THAP4: variants seen among roughly 807,000 people sequenced by gnomAD.
THAP4 encodes the protein THAP domain containing 4.
Under a neutral mutation model 48.1 loss-of-function variants are expected in THAP4, and 18 were observed. That is an observed-to-expected ratio of 0.37 (90% confidence interval 0.26 to 0.56). THAP4 has a LOEUF of 0.56. Among genes scored for constraint, THAP4 ranks in the 20% least tolerant of loss-of-function variants. The pLI is 0.78. For missense variants in THAP4, 656 were observed against 774.9 expected, an observed-to-expected ratio of 0.85 and a Z score of 1.82; for synonymous variants, 345 against 324.9, an observed-to-expected ratio of 1.06 and a Z score of -0.66.
At chr2:241,589,981 G>A (rs565384414) in intron 5 of THAP4, among the ~76,000 whole-genome samples, 268 of 152,010 alleles carry the variant, frequency 1.8e-3, no homozygotes, top group African/African-American at 6.4e-3. Context: ...ACTCAGAGCT[G>A]CTCGGCTGAC....
At chr2:241,592,204 G>A (rs2066990615) in intron 5 of THAP4, 1 of 152,322 alleles carries the variant, frequency 6.6e-6, no homozygotes, top group African/African-American at 2.4e-5. Flanking sequence ...GGGCCTCTCT[G>A]AGCCTCACTG....
At chr2:241,624,555 G>A (rs1490546369) in intron 2 of THAP4, among the ~76,000 whole-genome samples, 1 of 152,074 alleles carries the variant, frequency 6.6e-6, no homozygotes, top group Non-Finnish European at 1.5e-5. Context: ...AGGGTCTCGG[G>A]CAAGGGGCGT....
rs1249537562 is a variant in THAP4, at chr2:241,585,315, G to A, written c.1615-590C>T. On this transcript the variant is annotated intron_variant, in intron 5 of 5. Coordinates refer to ENST00000407315, the MANE Select transcript of THAP4 (RefSeq NM_015963.6). ...GCCCTATATGCCCAGAATGTTTGCC[G>A]GCAAATTGTGAGAGTGACCACTGTC... 2.6e-5 allele frequency among the ~76,000 whole-genome samples: 4 copies of A among 151,884 alleles called. No homozygotes were observed. The East Asian group carries it at 5.8e-4, about 22-fold the overall frequency.
In THAP4 at chr2:241,616,054, T is replaced by C. The variant is rs886761505; in HGVS notation, c.1241-9581A>G. On this transcript the variant is annotated intron_variant, in intron 2 of 5. Transcript: ENST00000407315. The surrounding 1 kb of genome is among the most constrained non-coding windows in gnomAD (Gnocchi z 4.6). ...CCACAAGACGCCTGGGAGAACTCAG[T>C]CAGGGGGCTGGCAAGGACAGGTGAG... is the stretch of plus-strand genomic sequence containing the variant. 6.6e-6 allele frequency among the ~76,000 whole-genome samples: 1 copy of C among 152,156 alleles called. No individual in the cohort carries two copies. Among genetic ancestry groups the C allele is most frequent in the African/African-American group, 2.4e-5 (1 of 41,438 alleles).
intron 2 of THAP4, among the ~76,000 whole-genome samples, chr2:241,631,725 G>A (rs191102174): frequency 3.9e-5 from 6 of 152,242 alleles, no homozygotes; most frequent in Admixed American, 6.5e-5. Flanking sequence ...TCGGCCTCCC[G>A]AAGTGCTGAG....
chr2:241,593,414 A>T (rs1263845530), intron 5 of THAP4, among the ~76,000 whole-genome samples: 2 of 152,208 alleles, frequency 1.3e-5, no homozygotes, highest in African/African-American at 4.8e-5. Flanking sequence ...CAGTGAAGGA[A>T]TGCTGTCCAC....
chr2:241,590,631 G>C (rs62192982), intron 5 of THAP4, among the ~76,000 whole-genome samples: 1 of 3,786 alleles, frequency 2.6e-4, no homozygotes, highest in African/African-American at 1.1e-3. Context: ...ACTAGGACAC[G>C]CAGAGCTGCC....
chr2:241,632,903 G>T lies in THAP4; in HGVS notation c.1240+14C>A, dbSNP rs1416902279. On this transcript the variant is annotated intron_variant, in intron 2 of 5. Transcript: ENST00000407315. The stretch of plus-strand genomic sequence containing the variant: ...CGGGAAGGGAACATGGGTACGCGAG[G>T]CTCCGGTACTGACCGCGGCTGGGCG... 2.6e-6 allele frequency: 4 copies of T among 1,563,430 alleles called. No homozygotes were observed. Among genetic ancestry groups the T allele is most frequent in the East Asian group, 2.3e-5 (1 of 44,338 alleles).
chr2:241,625,849 A>G (rs981153747), intron 2 of THAP4, among the ~76,000 whole-genome samples: 9 of 151,156 alleles, frequency 6.0e-5, no homozygotes, highest in African/African-American at 2.2e-4. Context: ...ACAGACAAAT[A>G]TCTCTCATGA....
chr2:241,595,225 G>C (rs1369490524), intron 5 of THAP4, among the ~76,000 whole-genome samples: 1 of 152,068 alleles, frequency 6.6e-6, no homozygotes, highest in South Asian at 2.1e-4. Context: ...ATGTTGTCCA[G>C]GCTGGTCTCG....
intron 2 of THAP4, among the ~76,000 whole-genome samples, chr2:241,618,534 A>T (rs1323737936): frequency 2.6e-5 from 4 of 152,224 alleles, no homozygotes; most frequent in Non-Finnish European, 5.9e-5. Context: ...GGAGTCATAT[A>T]CCACAGCCTT....
At chr2:241,618,272 T>TG (rs1312766675) in intron 2 of THAP4, among the ~76,000 whole-genome samples, 1 of 152,082 alleles carries the variant, frequency 6.6e-6, no homozygotes. Context: ...GAAATCATGA[T>TG]GGAGAGAAAA....
chr2:241,608,712 C>T (rs1394094273), intron 2 of THAP4, among the ~76,000 whole-genome samples: 1 of 152,180 alleles, frequency 6.6e-6, no homozygotes, highest in Non-Finnish European at 1.5e-5. Flanking sequence ...TACATCCTAG[C>T]GAGGGCAGAC....
intron 5 of THAP4, among the ~76,000 whole-genome samples, chr2:241,600,975 T>TAAA (rs35094187): frequency 6.9e-6 from 1 of 145,912 alleles, no homozygotes; most frequent in Non-Finnish European, 1.5e-5. Context: ...TACAAATCTT[T>TAAA]AAAAAAAAAA....
In THAP4 at chr2:241,601,217, G is replaced by A. The variant is rs895769030; in HGVS notation, c.1614+679C>T. Among the ~76,000 whole-genome samples, 13 of 152,310 alleles carry A rather than the reference G, an allele frequency of 8.5e-5. No homozygotes were observed. Among genetic ancestry groups the A allele is most frequent in the Admixed American group, 3.9e-4 (6 of 15,296 alleles). On this transcript the variant is annotated intron_variant, in intron 5 of 5. Transcript: ENST00000407315. This position sits in a 1 kb window ranked among gnomAD's most constrained non-coding sequence, Gnocchi z 4.0. ...CGCTTGAACCTGAGAGGCGGTGGTT[G>A]CGATGAGCCGAGATCCCACCTTTGC...
intron 5 of THAP4, among the ~76,000 whole-genome samples, chr2:241,586,104 A>C (rs1260229913): frequency 1.3e-5 from 2 of 150,820 alleles, no homozygotes; most frequent in Admixed American, 1.3e-4. Context: ...AAATACAAAA[A>C]AAATTAGCCG....
rs1421509035 is a variant in THAP4, at chr2:241,586,126, G to A, written c.1615-1401C>T. The stretch of plus-strand genomic sequence containing the variant: ...AAAAAAATTAGCCGGGTGTGGTGGC[G>A]GGTGCCTGTAGTCCCAGCTACTCAG... On this transcript the variant is annotated intron_variant, in intron 5 of 5. Coordinates refer to ENST00000407315, the MANE Select transcript of THAP4 (RefSeq NM_015963.6). Among the ~76,000 whole-genome samples the A allele has an allele frequency of 4.0e-5, 6 of 149,382 alleles. No individual in the cohort carries two copies. In the East Asian group the frequency reaches 1.0e-3, roughly 25 times the overall value.
At chr2:241,620,682 C>T (rs906521431) in intron 2 of THAP4, among the ~76,000 whole-genome samples, 4 of 151,582 alleles carry the variant, frequency 2.6e-5, no homozygotes, top group Non-Finnish European at 5.9e-5. Context: ...GTGACTGCGG[C>T]GGTGAGTGAA....
At chr2:241,600,741 A>G (rs561649726) in intron 5 of THAP4, among the ~76,000 whole-genome samples, 14 of 151,620 alleles carry the variant, frequency 9.2e-5, no homozygotes, top group East Asian at 7.7e-4. Context: ...AAAAAAAAAA[A>G]AAAGAAAGAA....
Sources: gnomAD v4.1 joint callset for allele counts (sites outside exome capture counted in the v4.1 genomes callset) on GRCh38, gnomAD v4.1.1 for gene constraint, Gnocchi (gnomAD v3.1) non-coding constraint, MANE v1.5 for transcripts, NCBI Gene and HGNC (gene_info 2026-07-23, HGNC 2026-07-21) for gene names.